Variants in MANBAL observed in about 807,000 individuals in gnomAD.
MANBAL encodes the protein protein MANBAL.
Under a neutral mutation model 6.4 loss-of-function variants are expected in MANBAL, and 1 was observed. The observed-to-expected ratio is 0.16, with a 90% CI of 0.06 to 0.74. The LOEUF is 0.74. MANBAL is among the 30% of genes least tolerant of loss of function. MANBAL has a pLI of 0.78. For synonymous variants in MANBAL, 47 were observed against 45.8 expected, an observed-to-expected ratio of 1.03 and a Z score of -0.10; for missense variants, 100 against 107.8, an observed-to-expected ratio of 0.93 and a Z score of 0.32.
chr20:37,291,762 T>G (rs947961824), intron 1 of MANBAL, among the ~76,000 whole-genome samples: 2 of 152,118 alleles, frequency 1.3e-5, no homozygotes, highest in African/African-American at 4.8e-5. Context: ...TCTCAGGAGA[T>G]CTGATGGTTT....
At chr20:37,315,634 G>A (rs868604222) in intron 2 of MANBAL, among the ~76,000 whole-genome samples, 19 of 152,218 alleles carry the variant, frequency 1.2e-4, no homozygotes, top group African/African-American at 4.1e-4. Context: ...TGCTCCTGTC[G>A]CCCAGGGAGT....
chr20:37,296,800 G>C (rs1319553717), intron 1 of MANBAL: 1 of 152,064 alleles, frequency 6.6e-6, no homozygotes, highest in Admixed American at 6.6e-5. Context: ...ATGTATTATA[G>C]GTATCATTGT....
intron 2 of MANBAL, among the ~76,000 whole-genome samples, chr20:37,310,907 G>T (rs902071361): frequency 6.6e-6 from 1 of 152,220 alleles, no homozygotes; most frequent in African/African-American, 2.4e-5. Flanking sequence ...TACGGGCAGC[G>T]TACATTTGAG....
At chr20:37,314,758 G>T (rs185222623) in intron 2 of MANBAL, among the ~76,000 whole-genome samples, 1 of 152,252 alleles carries the variant, frequency 6.6e-6, no homozygotes, top group East Asian at 1.9e-4. Flanking sequence ...TGGTTATCTC[G>T]CCTGGCTGAT....
intron 2 of MANBAL, among the ~76,000 whole-genome samples, chr20:37,307,526 G>A (rs891355884): frequency 1.1e-4 from 16 of 152,138 alleles, no homozygotes; most frequent in African/African-American, 3.9e-4. Context: ...GGAGGCTGAG[G>A]TGGGCGGATC....
chr20:37,293,533 C>G (rs2068920670), intron 1 of MANBAL, among the ~76,000 whole-genome samples: 1 of 152,114 alleles, frequency 6.6e-6, no homozygotes, highest in African/African-American at 2.4e-5. Context: ...TGCTGCTCAC[C>G]TCCTGCTGTG....
At chr20:37,314,254 C>T (rs1413009485) in intron 2 of MANBAL, among the ~76,000 whole-genome samples, 1 of 152,010 alleles carries the variant, frequency 6.6e-6, no homozygotes, top group Non-Finnish European at 1.5e-5. Flanking sequence ...GTTGCTCCAC[C>T]AGTGGGAGGA....
chr20:37,316,491 C>T lies in MANBAL; in HGVS notation c.*76C>T, dbSNP rs1316375704. On this transcript the variant is annotated 3_prime_UTR_variant, in exon 3 of 3. Coordinates refer to ENST00000373606, the MANE Select transcript of MANBAL (RefSeq NM_001003897.2). Reference sequence around the variant, plus strand: ...CCCTCCTGGGAATCTACATTGTGTTCCCCCGCATTCCAGGCTCAGGGTCTG... The same window carrying T: ...CCCTCCTGGGAATCTACATTGTGTTTCCCCGCATTCCAGGCTCAGGGTCTG... 7.7e-6 allele frequency: 10 copies of T among 1,302,278 alleles called. No individual in the cohort carries two copies. The highest frequency in any genetic ancestry group is 3.2e-6 in the Non-Finnish European group (3 of 931,602). The allele number at this position is 1,302,278 out of a possible 1,614,324, so 80.7% of individuals were successfully genotyped here.
At chr20:37,307,143 T>G (rs1036414561) in intron 2 of MANBAL, among the ~76,000 whole-genome samples, 2 of 152,096 alleles carry the variant, frequency 1.3e-5, no homozygotes, top group African/African-American at 2.4e-5. Context: ...TAAATAATTT[T>G]TTTGTAGAGA....
chr20:37,306,421 T>C (rs1004098250), intron 2 of MANBAL, among the ~76,000 whole-genome samples: 3 of 152,138 alleles, frequency 2.0e-5, no homozygotes, highest in Non-Finnish European at 4.4e-5. Flanking sequence ...AGGGAACACA[T>C]ACAAATGCTT....
intron 1 of MANBAL, among the ~76,000 whole-genome samples, chr20:37,292,659 C>T (rs1426978278): frequency 6.6e-6 from 1 of 152,212 alleles, no homozygotes; most frequent in African/African-American, 2.4e-5. Flanking sequence ...GAATCCAGTA[C>T]TACTTTATTT....
At chr20:37,295,849 G>A (rs934472688) in intron 1 of MANBAL, among the ~76,000 whole-genome samples, 29 of 152,232 alleles carry the variant, frequency 1.9e-4, no homozygotes, top group African/African-American at 6.8e-4. Flanking sequence ...ACAGCCAGTC[G>A]AAGGGGTGTC....
intron 2 of MANBAL, among the ~76,000 whole-genome samples, chr20:37,301,764 GGA>G (rs1008509833): frequency 2.0e-5 from 3 of 152,214 alleles, no homozygotes; most frequent in African/African-American, 7.2e-5. Flanking sequence ...ATAACAAGGG[GGA>G]GAGAGACCTG....
intron 2 of MANBAL, among the ~76,000 whole-genome samples, chr20:37,313,342 GC>G (rs1215529071): frequency 6.6e-6 from 1 of 151,806 alleles, no homozygotes; most frequent in Non-Finnish European, 1.5e-5. Flanking sequence ...CTGCACTCCA[GC>G]CTGGGCGACA....
intron 2 of MANBAL, among the ~76,000 whole-genome samples, chr20:37,303,386 A>C (rs2069182476): frequency 6.6e-6 from 1 of 152,228 alleles, no homozygotes; most frequent in Admixed American, 6.5e-5. Flanking sequence ...GAAATAGAAA[A>C]TAAACATTTT....
At chr20:37,310,175 G>A (rs1600917877) in intron 2 of MANBAL, among the ~76,000 whole-genome samples, 1 of 152,176 alleles carries the variant, frequency 6.6e-6, no homozygotes, top group African/African-American at 2.4e-5. Context: ...CCTGCCAAGC[G>A]CATCCTGGAC....
At chr20:37,304,160 T>C (rs1264101472) in intron 2 of MANBAL, among the ~76,000 whole-genome samples, 2 of 152,252 alleles carry the variant, frequency 1.3e-5, no homozygotes. Flanking sequence ...AAAATATGTC[T>C]TTGTGGAGAT....
At chr20:37,300,531 G>C (rs1468121248) in intron 1 of MANBAL, among the ~76,000 whole-genome samples, 1 of 152,176 alleles carries the variant, frequency 6.6e-6, no homozygotes, top group Non-Finnish European at 1.5e-5. Flanking sequence ...GCAGGGGTTT[G>C]TCTGTTTTGC....
intron 1 of MANBAL, chr20:37,297,400 T>G (rs1023280319): frequency 1.1e-4 from 16 of 152,122 alleles, no homozygotes; most frequent in African/African-American, 3.9e-4. Context: ...GGATTCTGGC[T>G]GGGAAGAAAA....
Sources: allele counts gnomAD v4.1 joint callset (sites outside exome capture counted in the v4.1 genomes callset), GRCh38; gene constraint gnomAD v4.1.1; transcripts MANE v1.5; gene names NCBI Gene and HGNC (gene_info 2026-07-23, HGNC 2026-07-21).